The following EYA4 variants were observed in gnomAD, a reference collection of about 807,000 sequenced individuals.
EYA4 encodes EYA transcriptional coactivator and phosphatase 4.
In EYA4, 31 loss-of-function variants were observed where a neutral mutation model predicts 87.9. The observed-to-expected ratio is 0.35, with a 90% CI of 0.27 to 0.48. The LOEUF (loss-of-function observed/expected upper bound fraction) is 0.48. Among genes scored for constraint, EYA4 ranks in the 20% least tolerant of loss-of-function variants. EYA4 has a pLI of 0.99. For synonymous variants in EYA4, 263 were observed against 270.6 expected, an observed-to-expected ratio of 0.97 and a Z score of 0.28; for missense variants, 678 against 761.4, an observed-to-expected ratio of 0.89 and a Z score of 1.29.
chr6:133,336,752 A>G (rs1390302329), intron 2 of EYA4, among the ~76,000 whole-genome samples: 2 of 152,226 alleles, frequency 1.3e-5, no homozygotes, highest in African/African-American at 4.8e-5. Flanking sequence ...CAAACGATTT[A>G]AAAGCAATGA....
At chr6:133,412,935 C>A (rs1452220640) in intron 3 of EYA4, among the ~76,000 whole-genome samples, 2 of 152,108 alleles carry the variant, frequency 1.3e-5, no homozygotes, top group Non-Finnish European at 2.9e-5. Context: ...GGAGAACAAG[C>A]CTGCACACCT....
intron 3 of EYA4, among the ~76,000 whole-genome samples, chr6:133,412,885 A>G (rs1485155958): frequency 2.0e-5 from 3 of 152,038 alleles, no homozygotes; most frequent in Non-Finnish European, 4.4e-5. Flanking sequence ...GGCTATTTCC[A>G]TACTCACCAC....
At chr6:133,528,439 G>A (rs925416013) in intron 19 of EYA4, among the ~76,000 whole-genome samples, 3 of 152,036 alleles carry the variant, frequency 2.0e-5, no homozygotes, top group Admixed American at 2.0e-4. Context: ...TGTTGGTAGC[G>A]ATACTTCCAG....
intron 11 of EYA4, among the ~76,000 whole-genome samples, chr6:133,469,747 A>G (rs1306773783): frequency 2.0e-5 from 3 of 152,068 alleles, no homozygotes; most frequent in Non-Finnish European, 4.4e-5. Context: ...TCTAGAAGAA[A>G]AAAATGGTGG....
At chr6:133,521,943 T>G (rs1800190955) in intron 17 of EYA4, among the ~76,000 whole-genome samples, 1 of 126,914 alleles carries the variant, frequency 7.9e-6, no homozygotes, top group East Asian at 2.5e-4. Context: ...GGAAGGGGAA[T>G]ATCACACTCT....
intron 11 of EYA4, 47 bp downstream of exon 11, chr6:133,468,778 T>G (rs761838740): frequency 7.5e-6 from 12 of 1,594,778 alleles, no homozygotes; most frequent in Non-Finnish European, 1.0e-5. Context: ...TTTTGCAATA[T>G]CTAATAAAAC....
chr6:133,278,468 G>A (rs1385323498), intron 2 of EYA4, among the ~76,000 whole-genome samples: 2 of 152,042 alleles, frequency 1.3e-5, no homozygotes, highest in African/African-American at 2.4e-5. Context: ...CGTTCATCTC[G>A]TACTCTTACT....
At chr6:133,383,579 T>A (rs983372544) in intron 3 of EYA4, among the ~76,000 whole-genome samples, 3 of 146,382 alleles carry the variant, frequency 2.0e-5, no homozygotes, top group African/African-American at 7.6e-5. Flanking sequence ...TTTTGTAGAG[T>A]AAGTGTATCT....
At chr6:133,377,002 C>T (rs957937740) in intron 2 of EYA4, among the ~76,000 whole-genome samples, 10 of 152,016 alleles carry the variant, frequency 6.6e-5, no homozygotes, top group African/African-American at 2.2e-4. Flanking sequence ...CTCCTTTATT[C>T]TGCTTTATTT....
chr6:133,357,427 A>G (rs952072407), intron 2 of EYA4, among the ~76,000 whole-genome samples: 2 of 152,198 alleles, frequency 1.3e-5, no homozygotes, highest in Non-Finnish European at 2.9e-5. Context: ...ATGTTGTTGA[A>G]GTAGCAAAAT....
In EYA4 at chr6:133,462,518, G is replaced by A. The variant is rs376803422; in HGVS notation, c.580+41G>A. ...TGTTTTCTTCTTTGGTTATAGGCAGGTAATCCTGCTGGCTGGTAGCTTTGT... is the reference window on the plus strand; with the variant it reads ...TGTTTTCTTCTTTGGTTATAGGCAGATAATCCTGCTGGCTGGTAGCTTTGT... On this transcript the variant is annotated intron_variant, in intron 8 of 19. Transcript: ENST00000355286. 1.8e-5 allele frequency: 29 copies of A among 1,613,502 alleles called. No homozygotes were observed. The African/African-American group carries it at 2.7e-4, about 15-fold the overall frequency.
At chr6:133,319,901 TAG>T (rs1007889759) in intron 2 of EYA4, among the ~76,000 whole-genome samples, 21 of 151,848 alleles carry the variant, frequency 1.4e-4, no homozygotes, top group African/African-American at 4.6e-4. Context: ...GTATTTTTAG[TAG>T]AGACAGAGTT....
chr6:133,347,056 A>G (rs1000993059), intron 2 of EYA4, among the ~76,000 whole-genome samples: 4 of 152,230 alleles, frequency 2.6e-5, no homozygotes, highest in Admixed American at 1.3e-4. Flanking sequence ...AACGGTCAAA[A>G]AAGAACATGG....
At chr6:133,253,407 A>G (rs942742155) in intron 1 of EYA4, among the ~76,000 whole-genome samples, 41 of 152,148 alleles carry the variant, frequency 2.7e-4, no homozygotes, top group African/African-American at 8.9e-4. Context: ...CCAAATGAGC[A>G]CTTCCTGGGT....
intron 3 of EYA4, among the ~76,000 whole-genome samples, chr6:133,400,440 G>A (rs1032287099): frequency 2.6e-5 from 4 of 151,788 alleles, no homozygotes; most frequent in Non-Finnish European, 5.9e-5. Flanking sequence ...CCCGGGAGGC[G>A]GAGGGTGCAG....
At chr6:133,515,459 A>T (rs772785962) in intron 17 of EYA4, 24 bp downstream of exon 17, 2 of 1,243,478 alleles carry the variant, frequency 1.6e-6, no homozygotes, top group East Asian at 4.6e-5. Flanking sequence ...TTACCTTTCT[A>T]TGTGTATCGT....
chr6:133,242,316 G>C (rs473055), intron 1 of EYA4, among the ~76,000 whole-genome samples: 22,322 of 152,216 alleles, frequency 0.15, 1,911 homozygotes, highest in East Asian at 0.2. Flanking sequence ...GCACTGATCG[G>C]GCTTTTCAAC....
At chr6:133,468,422 C>T (rs1242505357) in intron 10 of EYA4, 144 bp from the exon 11 acceptor site, 2 of 728,136 alleles carry the variant, frequency 2.7e-6, no homozygotes, top group African/African-American at 3.5e-5. Flanking sequence ...AGTCTCTGCT[C>T]ATTAGGATCA....
At chr6:133,371,629 T>G (rs1471728217) in intron 2 of EYA4, among the ~76,000 whole-genome samples, 2 of 152,184 alleles carry the variant, frequency 1.3e-5, no homozygotes, top group Non-Finnish European at 2.9e-5. Flanking sequence ...TCCAAGTTCC[T>G]TATAAATTAC....
Sources: gnomAD v4.1 joint callset for allele counts (sites outside exome capture counted in the v4.1 genomes callset) on GRCh38, gnomAD v4.1.1 for gene constraint, MANE v1.5 for transcripts, NCBI Gene and HGNC (gene_info 2026-07-23, HGNC 2026-07-21) for gene names.